The following SOBP variants were observed in gnomAD, a reference collection of about 807,000 sequenced individuals.
The protein encoded by SOBP is sine oculis binding protein homolog.
A neutral mutation model predicts 53.6 loss-of-function variants in SOBP; 4 were observed. That is an observed-to-expected ratio of 0.07 (90% confidence interval 0.04 to 0.17). SOBP has a LOEUF of 0.17. SOBP is among the 10% of genes least tolerant of loss of function. SOBP has a pLI of 1.00. For missense variants in SOBP, 1,088 were observed against 1,204.7 expected (o/e 0.90, Z 1.43); for synonymous variants, 584 against 522.6 (o/e 1.12, Z -1.60).
chr6:107,534,961 A>C (rs950594587), intron 4 of SOBP, among the ~76,000 whole-genome samples: 3 of 152,200 alleles, frequency 2.0e-5, no homozygotes, highest in African/African-American at 7.2e-5. Flanking sequence ...GCACTGGAGT[A>C]ACAAACCCAG....
At chr6:107,500,742 G>A (rs1056370557) in intron 1 of SOBP, among the ~76,000 whole-genome samples, 1 of 152,022 alleles carries the variant, frequency 6.6e-6, no homozygotes, top group Non-Finnish European at 1.5e-5. Context: ...AGCCAGGATG[G>A]TCTCGATCTC....
chr6:107,542,032 T>G (rs1784162291), intron 4 of SOBP, among the ~76,000 whole-genome samples: 1 of 152,110 alleles, frequency 6.6e-6, no homozygotes, highest in Non-Finnish European at 1.5e-5. Context: ...GTGGGTAGAC[T>G]TTTGAACAAG....
chr6:107,587,848 A>ATCTGTTGG (rs1785616650), intron 5 of SOBP, among the ~76,000 whole-genome samples: 4 of 152,196 alleles, frequency 2.6e-5, no homozygotes, highest in Admixed American at 2.6e-4. Flanking sequence ...TATTAAATGA[A>ATCTGTTGG]TCTGTTGGGA....
intron 4 of SOBP, among the ~76,000 whole-genome samples, chr6:107,559,261 T>C (rs1684273092): frequency 6.6e-6 from 1 of 152,220 alleles, no homozygotes; most frequent in South Asian, 2.1e-4. Flanking sequence ...GGGTGCATTT[T>C]CTTTTCTTGT....
At chr6:107,611,687 A>G (rs1450890740) in intron 5 of SOBP, among the ~76,000 whole-genome samples, 2 of 152,204 alleles carry the variant, frequency 1.3e-5, no homozygotes, top group Non-Finnish European at 2.9e-5. Flanking sequence ...TGGTGGCGAC[A>G]TGGTTGCTGT....
At chr6:107,571,700 T>C (rs1785078202) in intron 4 of SOBP, among the ~76,000 whole-genome samples, 1 of 152,232 alleles carries the variant, frequency 6.6e-6, no homozygotes, top group Admixed American at 6.5e-5. Context: ...TGGAGTCTTT[T>C]CCATCAAAGA....
At chr6:107,594,651 G>A (rs530633955) in intron 5 of SOBP, among the ~76,000 whole-genome samples, 1 of 152,282 alleles carries the variant, frequency 6.6e-6, no homozygotes, top group East Asian at 1.9e-4. Flanking sequence ...ATAGCAAATG[G>A]ATGTGCCTCT....
intron 6 of SOBP, among the ~76,000 whole-genome samples, chr6:107,642,998 T>G (rs1771396240): frequency 6.6e-6 from 1 of 152,238 alleles, no homozygotes; most frequent in African/African-American, 2.4e-5. Context: ...TCCTTGCAGC[T>G]GGCTTAGTTC....
intron 4 of SOBP, among the ~76,000 whole-genome samples, chr6:107,584,009 A>G (rs1785488814): frequency 6.6e-6 from 1 of 152,126 alleles, no homozygotes; most frequent in African/African-American, 2.4e-5. Flanking sequence ...GGGTTGCTCA[A>G]CCTGTATATC....
At chr6:107,603,249 A>C (rs1786251434) in intron 5 of SOBP, among the ~76,000 whole-genome samples, 1 of 152,194 alleles carries the variant, frequency 6.6e-6, no homozygotes, top group Admixed American at 6.5e-5. Flanking sequence ...CACTTGGGCA[A>C]AGCCTGCCTC....
intron 5 of SOBP, among the ~76,000 whole-genome samples, chr6:107,617,052 A>G (rs1786818383): frequency 1.3e-5 from 2 of 152,218 alleles, no homozygotes; most frequent in South Asian, 2.1e-4. Flanking sequence ...GGGAGGAGGC[A>G]GGGAAGGCTT....
At chr6:107,547,084 C>T (rs565987223) in intron 4 of SOBP, among the ~76,000 whole-genome samples, 24 of 152,332 alleles carry the variant, frequency 1.6e-4, no homozygotes, top group African/African-American at 5.5e-4. Flanking sequence ...TCACTACTTT[C>T]TCTTAGTTGC....
At position 107,642,245 on chromosome 6, in the gene SOBP, G is replaced by GA. The variant is rs1251837012; in HGVS notation, c.*3+6786dup. Among the ~76,000 whole-genome samples, 643 of 148,020 alleles carry GA rather than the reference G, an allele frequency of 4.3e-3. 8 individuals carry two copies. Among genetic ancestry groups the GA allele is most frequent in the African/African-American group, 0.015 (600 of 40,482 alleles). On this transcript the variant is annotated intron_variant, in intron 6 of 6. Transcript: ENST00000317357. ...CAGATTTGTGGATTTCCACAGCACA[G>GA]AAAAAAAAAATAGGGTGGGGTCAGG...
chr6:107,656,012 A>C (rs1562130685), intron 6 of SOBP, among the ~76,000 whole-genome samples: 1 of 152,166 alleles, frequency 6.6e-6, no homozygotes, highest in Non-Finnish European at 1.5e-5. Context: ...CTCCCTTTTA[A>C]AGAAAGAAGG....
chr6:107,591,968 G>GTTTTTTTTTTTTTTTTTTTTTTTTTTT (rs56210027), intron 5 of SOBP, among the ~76,000 whole-genome samples: 1 of 88,638 alleles, frequency 1.1e-5, no homozygotes, highest in Non-Finnish European at 2.2e-5. Context: ...GTCTTTTGGT[G>GTTTTTTTTTTTTTTTTTTTTTTTTTTT]TTTTTTTTTT....
chr6:107,651,649 A>G (rs1170405986), intron 6 of SOBP, among the ~76,000 whole-genome samples: 5 of 152,266 alleles, frequency 3.3e-5, no homozygotes, highest in Non-Finnish European at 4.4e-5. Context: ...GATTTTCAAT[A>G]TAGATAAAAC....
At chr6:107,610,668 A>T (rs1005253531) in intron 5 of SOBP, among the ~76,000 whole-genome samples, 17 of 152,214 alleles carry the variant, frequency 1.1e-4, no homozygotes, top group African/African-American at 3.9e-4. Context: ...TCTTGTTCCA[A>T]ACATGATTGT....
At chr6:107,595,348 TC>T (rs1785908108) in intron 5 of SOBP, among the ~76,000 whole-genome samples, 1 of 135,828 alleles carries the variant, frequency 7.4e-6, no homozygotes, top group Non-Finnish European at 1.5e-5. Flanking sequence ...TAGATTTTGA[TC>T]CTTTTTTTTT....
At chr6:107,595,309 C>T (rs1295178994) in intron 5 of SOBP, among the ~76,000 whole-genome samples, 4 of 141,614 alleles carry the variant, frequency 2.8e-5, no homozygotes, top group Non-Finnish European at 4.5e-5. Context: ...TACAAACATT[C>T]GAGTGTCTTT....
Sources: gnomAD v4.1 joint callset for allele counts (sites outside exome capture counted in the v4.1 genomes callset) on GRCh38, gnomAD v4.1.1 for gene constraint, MANE v1.5 for transcripts, NCBI Gene and HGNC (gene_info 2026-07-23, HGNC 2026-07-21) for gene names.